NDP: variants seen among roughly 807,000 people sequenced by gnomAD.
NDP encodes norrin cystine knot growth factor NDP.
NDP carries 2 observed loss-of-function variants against 8.4 expected under a neutral mutation model. The ratio of observed to expected loss-of-function variants is 0.24; its 90% CI spans 0.10 to 0.75. The LOEUF is 0.75. NDP is among the 30% of genes least tolerant of loss of function. NDP has a pLI of 0.73. For synonymous variants in NDP, 55 were observed against 45.6 expected (o/e 1.21, Z -0.83); for missense variants, 81 against 110.1 (o/e 0.74, Z 1.18).
In NDP at chrX:43,972,471, T is replaced by C. The variant is rs773010956; in HGVS notation, c.-208+833A>G. On this transcript the variant is annotated intron_variant, in intron 1 of 2. Coordinates refer to ENST00000642620, the MANE Select transcript of NDP (RefSeq NM_000266.4). Reference sequence around the variant, plus strand: ...AAGAAACCTCGGAATATCCCGCAGGTAGGAGTCATTCCTACAGGTCCTGGT... The same window carrying C: ...AAGAAACCTCGGAATATCCCGCAGGCAGGAGTCATTCCTACAGGTCCTGGT... Among the ~76,000 whole-genome samples the C allele has an allele frequency of 3.6e-5, 4 of 111,511 alleles. No individual in the cohort carries two copies. In the South Asian group the frequency reaches 1.6e-3, roughly 44 times the overall value.
At chrX:43,955,188 T>G (rs1262646384) in intron 2 of NDP, among the ~76,000 whole-genome samples, 2 of 112,364 alleles carry the variant, frequency 1.8e-5, no homozygotes, top group Non-Finnish European at 3.8e-5. Context: ...CTATAGGAGA[T>G]CCCAGCAGTT....
intron 1 of NDP, among the ~76,000 whole-genome samples, chrX:43,968,501 G>A (rs919772627): frequency 2.7e-5 from 3 of 112,477 alleles, no homozygotes; most frequent in African/African-American, 9.7e-5. Context: ...ACACACATAG[G>A]GGTTTCGGAA....
chrX:43,950,458 C>CAAAAAA (rs11292831), intron 2 of NDP, among the ~76,000 whole-genome samples: 8 of 59,273 alleles, frequency 1.3e-4, no homozygotes, highest in Admixed American at 2.1e-4. Context: ...AAATGACTAC[C>CAAAAAA]AAAAAAAAAA....
intron 1 of NDP, among the ~76,000 whole-genome samples, chrX:43,972,384 T>C (rs191228780): frequency 9.0e-6 from 1 of 111,004 alleles, no homozygotes; most frequent in Non-Finnish European, 1.9e-5. Context: ...GAAAGAGTTA[T>C]GCCCAGGCCT....
At chrX:43,957,034 G>C (rs2035797651) in intron 2 of NDP, among the ~76,000 whole-genome samples, 1 of 111,932 alleles carries the variant, frequency 8.9e-6, no homozygotes, top group South Asian at 3.7e-4. Context: ...TCATCATAGT[G>C]ACACTTTCTT....
At chrX:43,970,516 GT>G (rs371302089) in intron 1 of NDP, among the ~76,000 whole-genome samples, 191 of 107,876 alleles carry the variant, frequency 1.8e-3, no homozygotes, top group African/African-American at 5.2e-3. Context: ...TGTTTTCAGG[GT>G]TTTTTTTTTC....
chrX:43,950,775 G>C (rs1295776552), intron 2 of NDP, among the ~76,000 whole-genome samples: 2 of 111,989 alleles, frequency 1.8e-5, no homozygotes, highest in Non-Finnish European at 3.8e-5. Flanking sequence ...GAATAACGGA[G>C]GCTATGTGTT....
At chrX:43,971,088 T>A (rs969382205) in intron 1 of NDP, among the ~76,000 whole-genome samples, 1 of 112,053 alleles carries the variant, frequency 8.9e-6, no homozygotes, top group African/African-American at 3.3e-5. Context: ...AGGAAAGTTA[T>A]TGCCCACTTT....
rs765170187 is a variant in NDP at position 43,949,976 on chromosome X, G to A, written c.225C>T (p.Ser75=). 9.9e-6 allele frequency: 12 copies of A among 1,206,214 alleles called. No homozygotes were observed. The highest frequency in any genetic ancestry group is 4.6e-4 in the Middle Eastern group (2 of 4,338). The part of the protein sequence containing the change: ...CEGHCSQASR[S]EPLVSFSTVL... Reference sequence around the variant, plus strand: ...CAGTGCTGAACGACACCAAAGGCTCGGAGCGTGACGCCTGGCTGCAGTGCC... The same window carrying A: ...CAGTGCTGAACGACACCAAAGGCTCAGAGCGTGACGCCTGGCTGCAGTGCC... The change falls in exon 3 of 3, where the codon TCC becomes TCT. Residue 75 remains serine, a synonymous_variant. Coordinates refer to ENST00000642620, the MANE Select transcript of NDP (RefSeq NM_000266.4).
chrX:43,966,514 T>A (rs1286329514), intron 1 of NDP: 1 of 111,809 alleles, frequency 8.9e-6, no homozygotes, highest in Non-Finnish European at 1.9e-5. Context: ...TCACCTTACA[T>A]AAGACCCTTT....
chrX:43,961,597 GAGAA>G lies in NDP; in HGVS notation c.-207-2749_-207-2746del, dbSNP rs1455388246. On this transcript the variant is annotated intron_variant, in intron 1 of 2. Coordinates refer to ENST00000642620, the MANE Select transcript of NDP (RefSeq NM_000266.4). ...TGTGGTAGTTGAGGGACAGGCATGAGAGAAAGACTTTTCACTATATATCTTTTCG... is the reference window on the plus strand; with the variant it reads ...TGTGGTAGTTGAGGGACAGGCATGAGAGACTTTTCACTATATATCTTTTCG... Among the ~76,000 whole-genome samples, 4 of 111,583 alleles carry G rather than the reference GAGAA, an allele frequency of 3.6e-5. No individual in the cohort carries two copies. The South Asian group carries it at 1.5e-3, about 41-fold the overall frequency.
At chrX:43,969,813 C>A (rs2035881859) in intron 1 of NDP, among the ~76,000 whole-genome samples, 1 of 111,451 alleles carries the variant, frequency 9.0e-6, no homozygotes, top group African/African-American at 3.3e-5. Flanking sequence ...AAGGAAGGAG[C>A]TCAGGCGAAG....
intron 1 of NDP, among the ~76,000 whole-genome samples, chrX:43,959,121 T>G (rs1047330542): frequency 9.8e-5 from 11 of 111,872 alleles, no homozygotes; most frequent in African/African-American, 3.6e-4. Flanking sequence ...GGGCCAAGAA[T>G]AGTTTGAACC....
intron 1 of NDP, chrX:43,969,438 A>G (rs1425429725): frequency 8.9e-6 from 1 of 112,190 alleles, no homozygotes; most frequent in African/African-American, 3.2e-5. Context: ...AACAGAGAAT[A>G]ACCACATTTC....
intron 1 of NDP, among the ~76,000 whole-genome samples, chrX:43,959,205 G>T (rs1257109540): frequency 8.9e-6 from 1 of 111,748 alleles, no homozygotes; most frequent in Non-Finnish European, 1.9e-5. Flanking sequence ...GTCCTTGGTT[G>T]GTCGGGGCGG....
intron 1 of NDP, among the ~76,000 whole-genome samples, chrX:43,972,410 T>G (rs908955617): frequency 2.7e-5 from 3 of 110,692 alleles, no homozygotes; most frequent in Non-Finnish European, 5.7e-5. Context: ...AGCTCAATTG[T>G]TCATTTAAAG....
At chrX:43,961,204 A>T (rs1475517802) in intron 1 of NDP, among the ~76,000 whole-genome samples, 1 of 112,788 alleles carries the variant, frequency 8.9e-6, no homozygotes, top group Non-Finnish European at 1.9e-5. Flanking sequence ...AAACAAGTCC[A>T]TTTTGGAGAA....
chrX:43,953,796 T>G (rs2035776089), intron 2 of NDP, among the ~76,000 whole-genome samples: 1 of 113,071 alleles, frequency 8.8e-6, no homozygotes, highest in African/African-American at 3.2e-5. Context: ...TAAACCAGTA[T>G]AATACCTGCC....
At chrX:43,951,700 T>C (rs1189181477) in intron 2 of NDP, among the ~76,000 whole-genome samples, 1 of 111,320 alleles carries the variant, frequency 9.0e-6, no homozygotes, top group Non-Finnish European at 1.9e-5. Flanking sequence ...ATTCTGGTAA[T>C]TATAGATTAT....
Sources: allele counts gnomAD v4.1 joint callset (sites outside exome capture counted in the v4.1 genomes callset), GRCh38; gene constraint gnomAD v4.1.1; transcripts MANE v1.5; gene names NCBI Gene and HGNC (gene_info 2026-07-23, HGNC 2026-07-21).